TENM3: variants seen among roughly 807,000 people sequenced by gnomAD.
TENM3 encodes teneurin-3.
A neutral mutation model predicts 255.1 loss-of-function variants in TENM3; 63 were observed. The observed-to-expected ratio is 0.25, with a 90% CI of 0.20 to 0.30. TENM3 has a LOEUF of 0.30. TENM3 is among the 10% of genes least tolerant of loss of function. The pLI is 1.00. For missense variants in TENM3, 2,929 were observed against 3,461.1 expected (o/e 0.85, Z 3.86); for synonymous variants, 1,306 against 1,322.3 (o/e 0.99, Z 0.27).
intron 3 of TENM3, among the ~76,000 whole-genome samples, chr4:182,536,790 A>G (rs1740372266): frequency 6.6e-6 from 1 of 152,214 alleles, no homozygotes; most frequent in Non-Finnish European, 1.5e-5. Context: ...CCCCATATCC[A>G]TGAAAATCTC....
chr4:182,566,614 A>C (rs1162740323), intron 3 of TENM3, among the ~76,000 whole-genome samples: 1 of 152,186 alleles, frequency 6.6e-6, no homozygotes, highest in Non-Finnish European at 1.5e-5. Flanking sequence ...CACTGTGTCA[A>C]CTTGGCCAAC....
chr4:181,864,333 A>G, the TENM3 span, among the ~76,000 whole-genome samples: 1 of 152,194 alleles, frequency 6.6e-6, no homozygotes, highest in East Asian at 1.9e-4. Context: ...ACTGATAATG[A>G]CCTGATTGAG....
chr4:182,797,665 G>C (rs1241945759), intron 27 of TENM3, among the ~76,000 whole-genome samples: 1 of 152,128 alleles, frequency 6.6e-6, no homozygotes, highest in Non-Finnish European at 1.5e-5. Flanking sequence ...ATCCCCACCA[G>C]AGACCAGAAA....
chr4:181,833,408 A>G, the TENM3 span, among the ~76,000 whole-genome samples: 1 of 152,034 alleles, frequency 6.6e-6, no homozygotes, highest in African/African-American at 2.4e-5. Context: ...TCTGCCTCCA[A>G]CCTCTCCATG....
At chr4:182,373,014 A>G (rs1200193505) in intron 3 of TENM3, among the ~76,000 whole-genome samples, 1 of 152,176 alleles carries the variant, frequency 6.6e-6, no homozygotes, top group African/African-American at 2.4e-5. Flanking sequence ...TGCTGAGATT[A>G]CAGGCGTGAG....
the TENM3 span, among the ~76,000 whole-genome samples, chr4:181,655,220 C>T: frequency 6.6e-6 from 1 of 152,114 alleles, no homozygotes; most frequent in Non-Finnish European, 1.5e-5. Context: ...TTAAAAATAA[C>T]ATGGTGTCCA....
At chr4:181,804,434 A>G in the TENM3 span, among the ~76,000 whole-genome samples, 1 of 152,210 alleles carries the variant, frequency 6.6e-6, no homozygotes, top group Non-Finnish European at 1.5e-5. Flanking sequence ...ACAAATAATA[A>G]ACACAAGAAA....
the TENM3 span, among the ~76,000 whole-genome samples, chr4:181,802,621 C>G: frequency 6.6e-6 from 1 of 152,154 alleles, no homozygotes; most frequent in African/African-American, 2.4e-5. Flanking sequence ...TATCTTGATG[C>G]ACTTTTCCTC....
intron 22 of TENM3, among the ~76,000 whole-genome samples, chr4:182,767,017 T>C (rs181646581): frequency 6.6e-5 from 10 of 152,256 alleles, no homozygotes; most frequent in African/African-American, 1.9e-4. Context: ...AATAGGTAGG[T>C]AGCAGGCAGG....
chr4:182,522,909 C>T (rs891583976), intron 3 of TENM3, among the ~76,000 whole-genome samples: 2 of 152,180 alleles, frequency 1.3e-5, no homozygotes, highest in African/African-American at 4.8e-5. Flanking sequence ...CTTTACATTC[C>T]TACCAACAGT....
At chr4:182,219,864 A>C (rs949427312) in intron 1 of TENM3, among the ~76,000 whole-genome samples, 1 of 152,194 alleles carries the variant, frequency 6.6e-6, no homozygotes, top group East Asian at 1.9e-4. Context: ...GGGAAGGCAA[A>C]TCACCTCTGT....
intron 12 of TENM3, chr4:182,711,690 G>A (rs1758756415): frequency 4.4e-6 from 2 of 451,508 alleles, no homozygotes; most frequent in African/African-American, 2.1e-5. Flanking sequence ...ACTTTTCCAT[G>A]CATATTTTTG....
the TENM3 span, among the ~76,000 whole-genome samples, chr4:181,642,428 C>T: frequency 6.6e-6 from 1 of 152,088 alleles, no homozygotes; most frequent in African/African-American, 2.4e-5. Context: ...ATTGCCTGTT[C>T]ACTCTGATGG....
At chr4:182,712,685 G>GGA (rs1368492982) in intron 12 of TENM3, among the ~76,000 whole-genome samples, 10 of 152,130 alleles carry the variant, frequency 6.6e-5, no homozygotes. Flanking sequence ...GTTCCACAGT[G>GGA]GAGGAGGGGA....
intron 1 of TENM3, among the ~76,000 whole-genome samples, chr4:182,234,588 C>G (rs1474534207): frequency 6.6e-6 from 1 of 151,960 alleles, no homozygotes; most frequent in Non-Finnish European, 1.5e-5. Flanking sequence ...AAAAATTAGC[C>G]GGGCGTGGTG....
rs146518803 is a variant in TENM3, at chr4:182,614,684, C to T, written c.749+13523C>T. On this transcript the variant is annotated intron_variant, in intron 4 of 27. Transcript: ENST00000511685. ...AGTCCTCCTAGTACTTTTTCCTTTC[C>T]TCATACCACTTAATTACTCTTTAAG... Among the ~76,000 whole-genome samples the T allele has an allele frequency of 6.9e-3, 1,056 of 152,084 alleles. 13 individuals carry two copies. Among genetic ancestry groups the T allele is most frequent in the African/African-American group, 0.022 (908 of 41,504 alleles).
chr4:181,513,412 A>C, the TENM3 span, among the ~76,000 whole-genome samples: 1 of 152,206 alleles, frequency 6.6e-6, no homozygotes, highest in East Asian at 1.9e-4. Flanking sequence ...ACTCAATCAA[A>C]ATTTTCTTAA....
chr4:181,482,213 A>G, the TENM3 span, among the ~76,000 whole-genome samples: 262 of 152,290 alleles, frequency 1.7e-3, 1 homozygote, highest in African/African-American at 5.6e-3. Context: ...GATCAAGGTA[A>G]TTAGCATAAT....
chr4:182,259,504 G>T (rs552652834), intron 1 of TENM3, among the ~76,000 whole-genome samples: 1 of 152,046 alleles, frequency 6.6e-6, no homozygotes, highest in Non-Finnish European at 1.5e-5. Flanking sequence ...GTAGAGACAG[G>T]GTCTGCCTTT....
Sources: allele counts gnomAD v4.1 joint callset (sites outside exome capture counted in the v4.1 genomes callset), GRCh38; gene constraint gnomAD v4.1.1; transcripts MANE v1.5; gene names NCBI Gene and HGNC (gene_info 2026-07-23, HGNC 2026-07-21).